The following OC90 variants were observed in gnomAD, a reference collection of about 807,000 sequenced individuals.
OC90 encodes otoconin-90.
Under a neutral mutation model 47.3 loss-of-function variants are expected in OC90, and 46 were observed. The ratio of observed to expected loss-of-function variants is 0.97; its 90% CI spans 0.77 to 1.24. The LOEUF (loss-of-function observed/expected upper bound fraction) is 1.24. Among genes scored for constraint, OC90 ranks in the 50% most tolerant of loss-of-function variants. The pLI is 0.00. For missense variants in OC90, 688 were observed against 583.9 expected (o/e 1.18, Z -1.84); for synonymous variants, 271 against 219.5 (o/e 1.23, Z -2.07).
intron 10 of OC90, among the ~76,000 whole-genome samples, chr8:132,034,450 A>G (rs1822923840): frequency 6.6e-6 from 1 of 152,210 alleles, no homozygotes; most frequent in African/African-American, 2.4e-5. Context: ...CTACAAGCCA[A>G]AGGAGATCCC....
At chr8:132,052,921 C>T (rs1415473382) in intron 2 of OC90, among the ~76,000 whole-genome samples, 4 of 152,174 alleles carry the variant, frequency 2.6e-5, no homozygotes, top group African/African-American at 4.8e-5. Flanking sequence ...TCACCCGGTA[C>T]GTACGGCTTT....
In OC90 at chr8:132,029,198, C is replaced by T. The variant is rs746824956; in HGVS notation, c.1032-19G>A. On this transcript the variant is annotated intron_variant, in intron 12 of 13. Transcript: ENST00000254627. Reference sequence around the variant, plus strand: ...GCAGCACCTAAGACCAAGGAAAACCCTTTACTTCTCAGAGCTCCTGGCTTC... The same window carrying T: ...GCAGCACCTAAGACCAAGGAAAACCTTTTACTTCTCAGAGCTCCTGGCTTC... 10 of 1,588,118 alleles carry T rather than the reference C, an allele frequency of 6.3e-6. No individual in the cohort carries two copies. Among genetic ancestry groups the T allele is most frequent in the Admixed American group, 1.7e-5 (1 of 59,956 alleles).
intron 10 of OC90, among the ~76,000 whole-genome samples, chr8:132,033,766 C>T (rs1822911740): frequency 1.3e-5 from 2 of 152,158 alleles, no homozygotes; most frequent in Admixed American, 6.5e-5. Context: ...TCAGTCTCAC[C>T]TGCCCTCTTA....
chr8:132,036,488 A>T, intron 9 of OC90: 1 of 775,902 alleles, frequency 1.3e-6, no homozygotes, highest in South Asian at 1.3e-5. Context: ...GGGGAAACAG[A>T]TTTGGGGGCT....
chr8:132,047,935 GTCT>G lies in OC90; in HGVS notation c.47-2055_47-2053del, dbSNP rs576191026. On this transcript the variant is annotated intron_variant, in intron 2 of 13. Coordinates refer to ENST00000254627, the MANE Select transcript of OC90 (RefSeq NM_001080399.3). ...ATCAGGGCCTTTGGGAGGTGATTAG[GTCT>G]TGAGGCTTTGCATTCATACATGAGA... Among the ~76,000 whole-genome samples, 245 of 152,280 alleles carry G rather than the reference GTCT, an allele frequency of 1.6e-3. 1 individual carries two copies. Among genetic ancestry groups the G allele is most frequent in the Non-Finnish European group, 2.7e-3 (185 of 68,024 alleles).
At chr8:132,044,868 A>C (rs1823109873) in intron 3 of OC90, among the ~76,000 whole-genome samples, 1 of 152,238 alleles carries the variant, frequency 6.6e-6, no homozygotes, top group Non-Finnish European at 1.5e-5. Context: ...CGAGGTCATT[A>C]CTAGAGATAC....
At chr8:132,054,637 T>C (rs548353993) in intron 2 of OC90, among the ~76,000 whole-genome samples, 3 of 152,272 alleles carry the variant, frequency 2.0e-5, no homozygotes, top group African/African-American at 2.4e-5. Flanking sequence ...TGGATACGAT[T>C]GCACGTAAAC....
chr8:132,033,330 A>G (rs1382801425), intron 10 of OC90, among the ~76,000 whole-genome samples, 166 bp from the exon 11 acceptor site: 1 of 152,312 alleles, frequency 6.6e-6, no homozygotes, highest in Admixed American at 6.5e-5. Context: ...AGAATTCTAC[A>G]TGAGAATTTC....
At chr8:132,053,138 T>C (rs1040183505) in intron 2 of OC90, among the ~76,000 whole-genome samples, 3 of 152,084 alleles carry the variant, frequency 2.0e-5, no homozygotes, top group African/African-American at 7.2e-5. Flanking sequence ...TATGGTTCCA[T>C]TCAAAGTTCA....
In OC90 at chr8:132,057,980, C is replaced by T. The variant is rs555999727; in HGVS notation, c.-48+1361G>A. Reference sequence around the variant, plus strand: ...TGCTAGGCCGGTCCTTTGAGACAAACTAAGCATTCCAGTGATGACTCACTG... The same window carrying T: ...TGCTAGGCCGGTCCTTTGAGACAAATTAAGCATTCCAGTGATGACTCACTG... On this transcript the variant is annotated intron_variant, in intron 1 of 13. Coordinates refer to ENST00000254627, the MANE Select transcript of OC90 (RefSeq NM_001080399.3). 2.0e-5 allele frequency among the ~76,000 whole-genome samples: 3 copies of T among 152,354 alleles called. No homozygotes were observed. In the South Asian group the frequency reaches 6.2e-4, roughly 32 times the overall value.
chr8:132,033,768 G>T (rs1822911776), intron 10 of OC90, among the ~76,000 whole-genome samples: 1 of 152,090 alleles, frequency 6.6e-6, no homozygotes, highest in Admixed American at 6.5e-5. Context: ...AGTCTCACCT[G>T]CCCTCTTAGC....
intron 8 of OC90, among the ~76,000 whole-genome samples, chr8:132,038,341 GAGTGCGTGGAGAA>G (rs1300461353): frequency 6.6e-6 from 1 of 152,226 alleles, no homozygotes; most frequent in African/African-American, 2.4e-5. Context: ...AGGCGCTGGA[GAGTGCGTGGAGAA>G]AGGGGAGGAA....
chr8:132,057,745 G>A (rs1823294887), intron 1 of OC90, among the ~76,000 whole-genome samples: 1 of 152,192 alleles, frequency 6.6e-6, no homozygotes, highest in African/African-American at 2.4e-5. Flanking sequence ...CATTCTTTGT[G>A]TCAGGTGTTC....
intron 12 of OC90, 44 bp from the exon 13 acceptor site, chr8:132,029,223 C>T: frequency 1.4e-6 from 2 of 1,444,974 alleles, no homozygotes; most frequent in Non-Finnish European, 1.9e-6. Context: ...CTCCTGGCTT[C>T]CCTAGGAACC....
chr8:132,046,130 G>A (rs184147763), intron 2 of OC90, among the ~76,000 whole-genome samples: 1 of 152,278 alleles, frequency 6.6e-6, no homozygotes, highest in East Asian at 1.9e-4. Context: ...GGTTGGGGAT[G>A]GAGAGGTTGG....
At chr8:132,049,097 G>T (rs756575792) in intron 2 of OC90, among the ~76,000 whole-genome samples, 1 of 151,110 alleles carries the variant, frequency 6.6e-6, no homozygotes, top group Non-Finnish European at 1.5e-5. Flanking sequence ...TAATGAAGAG[G>T]GGAAAGGGAA....
At chr8:132,027,564 G>T (rs1161619117) in intron 13 of OC90, among the ~76,000 whole-genome samples, 1 of 152,220 alleles carries the variant, frequency 6.6e-6, no homozygotes, top group Non-Finnish European at 1.5e-5. Context: ...CTTTTAAACT[G>T]CAAAGCATAA....
intron 11 of OC90, among the ~76,000 whole-genome samples, chr8:132,032,271 G>A (rs571260829): frequency 8.6e-4 from 131 of 152,218 alleles, no homozygotes; most frequent in Non-Finnish European, 1.3e-3. Context: ...TTCTCCCTAG[G>A]CTTCTAATGC....
chr8:132,057,252 G>A (rs1211224447), intron 1 of OC90, among the ~76,000 whole-genome samples: 2 of 152,168 alleles, frequency 1.3e-5, no homozygotes, highest in African/African-American at 4.8e-5. Context: ...AGAGTGGAAG[G>A]CCCTGTCTGG....
Sources: allele counts gnomAD v4.1 joint callset (sites outside exome capture counted in the v4.1 genomes callset), GRCh38; gene constraint gnomAD v4.1.1; transcripts MANE v1.5; gene names NCBI Gene and HGNC (gene_info 2026-07-23, HGNC 2026-07-21).